The following BRDT variants were observed in gnomAD, a reference collection of about 807,000 sequenced individuals.
The protein encoded by BRDT is bromodomain testis associated, also known as bromodomain testis-specific protein.
In BRDT, 77 loss-of-function variants were observed where a neutral mutation model predicts 113.9. The ratio of observed to expected loss-of-function variants is 0.68; its 90% CI spans 0.56 to 0.82. The LOEUF is 0.82. BRDT is among the 40% of genes least tolerant of loss of function. The pLI, the probability that BRDT is intolerant of heterozygous loss-of-function variation, is 0.00. For synonymous variants in BRDT, 358 were observed against 366.5 expected, an observed-to-expected ratio of 0.98 and a Z score of 0.26; for missense variants, 1,027 against 1,105.4, an observed-to-expected ratio of 0.93 and a Z score of 1.01.
At chr1:91,967,119 A>C (rs1403349279) in intron 3 of BRDT, among the ~76,000 whole-genome samples, 1 of 152,246 alleles carries the variant, frequency 6.6e-6, no homozygotes, top group Non-Finnish European at 1.5e-5. Flanking sequence ...AAATTGAGTC[A>C]GTGCTACAGT....
At chr1:91,974,661 G>A (rs1473476562) in intron 4 of BRDT, among the ~76,000 whole-genome samples, 1 of 152,122 alleles carries the variant, frequency 6.6e-6, no homozygotes, top group Non-Finnish European at 1.5e-5. Context: ...TGGAGAAATA[G>A]GAACACTTTT....
chr1:91,964,388 GT>G (rs949634016), intron 2 of BRDT, among the ~76,000 whole-genome samples: 6 of 152,062 alleles, frequency 3.9e-5, no homozygotes, highest in African/African-American at 1.4e-4. Context: ...TTAGAGATGG[GT>G]TTTGCCATGT....
intron 4 of BRDT, among the ~76,000 whole-genome samples, chr1:91,975,322 A>C (rs754081865): frequency 1.3e-5 from 2 of 152,158 alleles, no homozygotes; most frequent in African/African-American, 4.8e-5. Flanking sequence ...GAAGGAGGGA[A>C]GAAGTGTGGA....
rs373493446 is a variant in BRDT, at chr1:91,983,469, T to C, written c.2002+1714T>C. On this transcript the variant is annotated intron_variant, in intron 12 of 18. Coordinates refer to ENST00000399546, the MANE Select transcript of BRDT (RefSeq NM_207189.4). ...CGGGGTTTCACCGTGTTAGCCAGGA[T>C]GGTCTCGATCTCCTGACCTTGTGAT... is the stretch of plus-strand genomic sequence containing the variant. 3.9e-5 allele frequency among the ~76,000 whole-genome samples: 6 copies of C among 152,122 alleles called. No homozygotes were observed. In the South Asian group the frequency reaches 1.2e-3, roughly 32 times the overall value.
chr1:91,972,586 C>T (rs768211026), intron 4 of BRDT, among the ~76,000 whole-genome samples: 1 of 152,202 alleles, frequency 6.6e-6, no homozygotes, highest in East Asian at 1.9e-4. Flanking sequence ...CTGTGTTTCT[C>T]TCATGTAACA....
At chr1:91,968,401 A>G in intron 4 of BRDT, 141 bp downstream of exon 4, 1 of 1,248,290 alleles carries the variant, frequency 8.0e-7, no homozygotes, top group Non-Finnish European at 1.1e-6. Flanking sequence ...TCCATTTGAA[A>G]CAATCTGCCA....
chr1:92,001,608 A>G (rs376212978), intron 15 of BRDT, among the ~76,000 whole-genome samples: 18 of 151,922 alleles, frequency 1.2e-4, no homozygotes, highest in African/African-American at 4.1e-4. Flanking sequence ...AAGCAGGGGA[A>G]TTGCTTGAAC....
intron 12 of BRDT, among the ~76,000 whole-genome samples, chr1:91,983,725 G>C (rs1684933671): frequency 6.7e-6 from 1 of 148,404 alleles, no homozygotes; most frequent in Admixed American, 6.8e-5. Flanking sequence ...TTCTCACTCT[G>C]TCGCCCAGGC....
chr1:91,968,311 C>G (rs758923042), intron 4 of BRDT, 51 bp downstream of exon 4: 2 of 1,589,340 alleles, frequency 1.3e-6, no homozygotes, highest in South Asian at 1.1e-5. Context: ...TTTCCCCTAT[C>G]TATCTCATGT....
chr1:91,965,578 G>A (rs1012188617), intron 3 of BRDT, among the ~76,000 whole-genome samples: 47 of 152,150 alleles, frequency 3.1e-4, no homozygotes, highest in African/African-American at 9.9e-4. Context: ...GGCCGGGCAC[G>A]GTGGCTCACA....
chr1:91,956,782 C>T (rs1681815897), intron 1 of BRDT, among the ~76,000 whole-genome samples: 1 of 151,922 alleles, frequency 6.6e-6, no homozygotes, highest in African/African-American at 2.4e-5. Context: ...CCCCCCTTTC[C>T]TGAAAAAATA....
In BRDT at chr1:91,981,670, GAGCAGCAGC is replaced by G. The variant is rs755872797; in HGVS notation, c.1930_1938del (p.Ser646_Ser648del). ...TTGAAAATGTTTCCCGACTGAGTGA[GAGCAGCAGC>G]AGCAGCAGCAGCTCATCAGAGTCTG... On this transcript the variant is annotated inframe_deletion, in exon 12 of 19. Coordinates refer to ENST00000399546, the MANE Select transcript of BRDT (RefSeq NM_207189.4). 3 of 1,613,540 alleles carry G rather than the reference GAGCAGCAGC, an allele frequency of 1.9e-6. No individual in the cohort carries two copies. The highest frequency in any genetic ancestry group is 1.1e-5 in the South Asian group (1 of 91,052).
Position 91,952,904 on chromosome 1 carries a change from G to A in BRDT, c.-38+3222G>A, listed in dbSNP as rs1681277707. On this transcript the variant is annotated intron_variant, in intron 1 of 18. Coordinates refer to ENST00000399546, the MANE Select transcript of BRDT (RefSeq NM_207189.4). ...CCTCATCCTTAGACTGAAGGGAGAA[G>A]CAAATGAGAAGATTGAGTCATTGTA... Among the ~76,000 whole-genome samples, 3 of 152,000 alleles carry A rather than the reference G, an allele frequency of 2.0e-5. No individual in the cohort carries two copies. In the South Asian group the frequency reaches 6.2e-4, roughly 32 times the overall value.
At chr1:91,968,667 CT>C (rs1204470830) in intron 4 of BRDT, among the ~76,000 whole-genome samples, 1 of 152,066 alleles carries the variant, frequency 6.6e-6, no homozygotes, top group Non-Finnish European at 1.5e-5. Flanking sequence ...GGAAGATTGT[CT>C]TTTTTTCCTA....
At chr1:91,966,930 G>A (rs1022877763) in intron 3 of BRDT, among the ~76,000 whole-genome samples, 1 of 152,072 alleles carries the variant, frequency 6.6e-6, no homozygotes, top group Non-Finnish European at 1.5e-5. Flanking sequence ...GTAGCCAGAC[G>A]CGGTGGCAGG....
chr1:91,969,123 G>T (rs1255957930), intron 4 of BRDT, among the ~76,000 whole-genome samples: 1 of 151,654 alleles, frequency 6.6e-6, no homozygotes, highest in African/African-American at 2.4e-5. Context: ...TTTTTTTTTA[G>T]TAGAGTCGGG....
chr1:91,975,293 TA>T (rs934876511), intron 4 of BRDT, among the ~76,000 whole-genome samples: 4 of 151,648 alleles, frequency 2.6e-5, no homozygotes, highest in South Asian at 2.1e-4. Context: ...AAAAAAATTT[TA>T]AAAAAAAAGT....
rs768552743 is a variant in BRDT, at chr1:91,994,132, A to G, written c.2165A>G (p.His722Arg). Reference sequence around the variant, plus strand: ...ACCTCTGCCAATACTACCCTTGTTCATCAGACCACACCTTCACATGTAATG... The same window carrying G: ...ACCTCTGCCAATACTACCCTTGTTCGTCAGACCACACCTTCACATGTAATG... ...DTTSANTTLV[H>R]QTTPSHVMPP... Residue 722 changes from histidine to arginine, a missense_variant, in exon 15 of 19, where the codon CAT becomes CGT. His to Arg is a conservative substitution (Grantham distance 29). Transcript: ENST00000399546. The G allele has an allele frequency of 6.2e-7, 1 of 1,613,468 alleles. No individual in the cohort carries two copies.
chr1:91,988,429 C>A (rs1327870074), intron 12 of BRDT, among the ~76,000 whole-genome samples: 1 of 151,938 alleles, frequency 6.6e-6, no homozygotes, highest in Non-Finnish European at 1.5e-5. Flanking sequence ...GAGACGGCAT[C>A]TTGCTCTGTC....
Sources: allele counts gnomAD v4.1 joint callset (sites outside exome capture counted in the v4.1 genomes callset), GRCh38; gene constraint gnomAD v4.1.1; transcripts MANE v1.5; gene names NCBI Gene and HGNC (gene_info 2026-07-23, HGNC 2026-07-21).